The following PEX5L variants were observed in gnomAD, a reference collection of about 807,000 sequenced individuals.
PEX5L encodes the protein PEX5-related protein.
PEX5L carries 30 observed loss-of-function variants against 84.0 expected under a neutral mutation model. The observed-to-expected ratio is 0.36, with a 90% CI of 0.27 to 0.48. The LOEUF is 0.48. Among genes scored for constraint, PEX5L ranks in the 20% least tolerant of loss-of-function variants. The probability of loss-of-function intolerance (pLI) is 0.99; values close to 1 mark genes in which losing one functional copy is unlikely to be tolerated. For synonymous variants in PEX5L, 270 were observed against 283.1 expected (o/e 0.95, Z 0.46); for missense variants, 533 against 754.6 (o/e 0.71, Z 3.44).
At chr3:180,025,718 G>A (rs58934129) in intron 1 of PEX5L, among the ~76,000 whole-genome samples, 4,524 of 152,212 alleles carry the variant, frequency 0.03, 240 homozygotes, top group African/African-American at 0.1. Flanking sequence ...AGAAAAGTAA[G>A]CATCTGCCAC....
intron 2 of PEX5L, among the ~76,000 whole-genome samples, chr3:179,928,850 C>T (rs1772206620): frequency 6.6e-6 from 1 of 152,168 alleles, no homozygotes; most frequent in Non-Finnish European, 1.5e-5. Flanking sequence ...AAATCCTAAC[C>T]CATTCCAGCA....
chr3:179,832,290 G>A (rs1733334192), intron 8 of PEX5L, among the ~76,000 whole-genome samples: 1 of 151,818 alleles, frequency 6.6e-6, no homozygotes, highest in Admixed American at 6.6e-5. Flanking sequence ...TTCTCACTTG[G>A]GTGATCCTAT....
intron 2 of PEX5L, among the ~76,000 whole-genome samples, chr3:179,954,831 C>T (rs1004875727): frequency 6.6e-6 from 1 of 151,516 alleles, no homozygotes; most frequent in African/African-American, 2.4e-5. Context: ...ATAATTATAC[C>T]TCTCAGGATG....
intron 11 of PEX5L, 122 bp from the exon 12 acceptor site, chr3:179,809,790 G>C (rs1723019705): frequency 1.5e-6 from 1 of 681,282 alleles, no homozygotes; most frequent in East Asian, 2.7e-5. Context: ...GCTTGCTTAT[G>C]TCAAGTTCCT....
intron 3 of PEX5L, among the ~76,000 whole-genome samples, chr3:179,891,485 T>C (rs554847699): frequency 6.6e-6 from 1 of 152,236 alleles, no homozygotes; most frequent in Admixed American, 6.5e-5. Context: ...ATACGGAAGA[T>C]GAAACAGGAG....
At chr3:180,026,924 G>C (rs1791007275) in intron 1 of PEX5L, among the ~76,000 whole-genome samples, 1 of 152,088 alleles carries the variant, frequency 6.6e-6, no homozygotes, top group South Asian at 2.1e-4. Flanking sequence ...CTCAGTCTTG[G>C]TGAGAAGCCA....
At chr3:180,032,418 C>CG (rs1291438830) in intron 1 of PEX5L, among the ~76,000 whole-genome samples, 1 of 152,186 alleles carries the variant, frequency 6.6e-6, no homozygotes, top group Non-Finnish European at 1.5e-5. Flanking sequence ...ATGCCACCCC[C>CG]GTTCCAACTC....
chr3:179,888,078 C>T (rs916372528), intron 3 of PEX5L: 43 of 1,011,870 alleles, frequency 4.2e-5, no homozygotes, highest in Admixed American at 1.1e-4. Flanking sequence ...GAAAATGACA[C>T]GTATTGAATC....
At chr3:180,005,530 C>T (rs138088717) in intron 1 of PEX5L, among the ~76,000 whole-genome samples, 19,309 of 152,112 alleles carry the variant, frequency 0.13, 1,333 homozygotes, top group African/African-American at 0.19. Flanking sequence ...AGATCGAGAC[C>T]ATTCTGGCTA....
chr3:179,840,102 T>C (rs1387041476), intron 8 of PEX5L, among the ~76,000 whole-genome samples: 3 of 150,982 alleles, frequency 2.0e-5, no homozygotes. Flanking sequence ...CCATGGGCCA[T>C]AAGTAAGAAT....
intron 1 of PEX5L, among the ~76,000 whole-genome samples, chr3:180,005,995 T>C (rs1407949732): frequency 1.3e-5 from 2 of 152,252 alleles, no homozygotes; most frequent in African/African-American, 4.8e-5. Flanking sequence ...ATTTTTACCA[T>C]GTTTATCTTT....
At chr3:179,866,692 G>GA (rs778443094) in intron 7 of PEX5L, among the ~76,000 whole-genome samples, 22 of 151,956 alleles carry the variant, frequency 1.4e-4, no homozygotes, top group Middle Eastern at 3.2e-3. Flanking sequence ...AAATACCCAG[G>GA]ATTTTTTTTT....
intron 11 of PEX5L, 68 bp from the exon 12 acceptor site, chr3:179,809,736 T>C: frequency 1.7e-6 from 2 of 1,171,130 alleles, no homozygotes; most frequent in Admixed American, 4.8e-5. Flanking sequence ...CTTCAGAAAA[T>C]GTGGGGGGTC....
At chr3:179,816,038 T>C (rs17690759) in intron 9 of PEX5L, 34 bp from the exon 10 acceptor site, 82,491 of 1,600,734 alleles carry the variant, frequency 0.052, 2,483 homozygotes, top group Non-Finnish European at 0.061. Flanking sequence ...GCATGAGCCA[T>C]TGATTTCTCT....
Position 179,800,568 on chromosome 3 carries a change from C to CA in PEX5L, c.*1259dup, listed in dbSNP as rs1718570039. On this transcript the variant is annotated 3_prime_UTR_variant, in exon 15 of 15. Transcript: ENST00000467460. ...CTAAGTGGAATTCAACCAATTAAAA[C>CA]ACCACTGCTAATAGAAAATTCCCAA... 6.6e-6 allele frequency: 1 copy of CA among 152,170 alleles called. No individual in the cohort carries two copies. The highest frequency in any genetic ancestry group is 1.5e-5 in the Non-Finnish European group (1 of 68,022). 9.4% of individuals were successfully genotyped at this position (152,170 alleles called of 1,614,324 possible).
chr3:179,808,374 G>T lies in PEX5L; in HGVS notation c.1416C>A (p.Ile472=). 6.3e-7 allele frequency: 1 copy of T among 1,591,294 alleles called. No individual in the cohort carries two copies. Among genetic ancestry groups the T allele is most frequent in the Non-Finnish European group, 8.5e-7 (1 of 1,169,850 alleles). ...CTAGACCTGTCTGCAGGTCTGGGTC[G>T]ATCATATCTCCATTTTGGTGGGCAG... ...LEAAHQNGDM[I]DPDLQTGLGV... Residue 472 remains isoleucine, a synonymous_variant, in exon 13 of 15, where the codon ATC becomes ATA. Coordinates refer to ENST00000467460, the MANE Select transcript of PEX5L (RefSeq NM_016559.3).
At chr3:179,822,830 T>G (rs1728990084) in intron 8 of PEX5L, among the ~76,000 whole-genome samples, 1 of 152,186 alleles carries the variant, frequency 6.6e-6, no homozygotes, top group Non-Finnish European at 1.5e-5. Context: ...TGATAAAATA[T>G]AGTACATACT....
intron 1 of PEX5L, among the ~76,000 whole-genome samples, chr3:179,985,871 G>A (rs1391053523): frequency 1.3e-5 from 2 of 152,102 alleles, no homozygotes; most frequent in African/African-American, 4.8e-5. Context: ...GTCCACTCTT[G>A]TGGAGGCCGC....
intron 1 of PEX5L, among the ~76,000 whole-genome samples, chr3:180,005,937 T>C (rs1788848730): frequency 6.6e-6 from 1 of 152,234 alleles, no homozygotes; most frequent in Admixed American, 6.5e-5. Flanking sequence ...TTTTTACAAA[T>C]GTGATATATC....
Sources: gnomAD v4.1 joint callset for allele counts (sites outside exome capture counted in the v4.1 genomes callset) on GRCh38, gnomAD v4.1.1 for gene constraint, MANE v1.5 for transcripts, NCBI Gene and HGNC (gene_info 2026-07-23, HGNC 2026-07-21) for gene names.